The following LRFN5 variants were observed in gnomAD, a reference collection of about 807,000 sequenced individuals.
The protein encoded by LRFN5 is leucine-rich repeat and fibronectin type-III domain-containing protein 5.
Under a neutral mutation model 45.6 loss-of-function variants are expected in LRFN5, and 24 were observed. That is an observed-to-expected ratio of 0.53 (90% CI 0.38 to 0.74). The LOEUF is 0.74. Among genes scored for constraint, LRFN5 ranks in the 30% least tolerant of loss-of-function variants. The pLI is 0.00. For synonymous variants in LRFN5, 340 were observed against 313.8 expected, an observed-to-expected ratio of 1.08 and a Z score of -0.88; for missense variants, 776 against 861.5, an observed-to-expected ratio of 0.90 and a Z score of 1.24.
chr14:41,749,330 T>A (rs1885039388), intron 1 of LRFN5, among the ~76,000 whole-genome samples: 1 of 152,136 alleles, frequency 6.6e-6, no homozygotes, highest in Non-Finnish European at 1.5e-5. Context: ...CCAGAGGTAG[T>A]GAAATACTGA....
At chr14:41,678,463 C>A in intron 1 of LRFN5, among the ~76,000 whole-genome samples, 1 of 152,020 alleles carries the variant, frequency 6.6e-6, no homozygotes, top group East Asian at 1.9e-4. Flanking sequence ...GATTTCAATA[C>A]CCCATTTTCA....
At position 41,887,939 on chromosome 14, in the gene LRFN5, A is replaced by G. The variant is rs539165536; in HGVS notation, c.1314A>G (p.Gln438=). 3.2e-5 allele frequency: 52 copies of G among 1,613,930 alleles called. No individual in the cohort carries two copies. In the South Asian group the frequency reaches 5.2e-4, roughly 16 times the overall value. The change falls in exon 3 of 6, where the codon CAA becomes CAG. Residue 438 remains glutamine (Q), a synonymous_variant. Transcript: ENST00000298119. This position sits in a 1 kb window ranked among gnomAD's most constrained non-coding sequence, Gnocchi z 4.8. ...SSTALLKFNF[Q]RNIPGIRMFQ... is the part of the protein sequence containing the mutation. Reference sequence around the variant, plus strand: ...CGGCACTACTTAAATTTAATTTTCAAAGAAATATCCCTGGAATACGTATGT... The same window carrying G: ...CGGCACTACTTAAATTTAATTTTCAGAGAAATATCCCTGGAATACGTATGT...
intron 1 of LRFN5, chr14:41,742,692 C>CAGAAGAGTCA (rs11282686): frequency 0.8 from 121,048 of 152,020 alleles, 49,091 homozygotes; most frequent in African/African-American, 0.95. Flanking sequence ...CAACAAGAGC[C>CAGAAGAGTCA]AGAAGAGCCA....
At chr14:41,856,380 T>TC (rs1464581501) in intron 2 of LRFN5, among the ~76,000 whole-genome samples, 1 of 152,208 alleles carries the variant, frequency 6.6e-6, no homozygotes, top group Non-Finnish European at 1.5e-5. Flanking sequence ...ATGTAAATAG[T>TC]GCATAGCCTT....
intron 1 of LRFN5, among the ~76,000 whole-genome samples, chr14:41,746,658 A>T (rs1470999407): frequency 1.3e-5 from 2 of 151,992 alleles, no homozygotes; most frequent in African/African-American, 4.8e-5. Flanking sequence ...ACTCACAAAA[A>T]TTTTTTAAAA....
At chr14:41,634,056 A>G (rs994462461) in intron 1 of LRFN5, among the ~76,000 whole-genome samples, 1 of 152,148 alleles carries the variant, frequency 6.6e-6, no homozygotes, top group Non-Finnish European at 1.5e-5. Flanking sequence ...CTTTGCCTCT[A>G]TTATAAGTTA....
intron 1 of LRFN5, among the ~76,000 whole-genome samples, chr14:41,756,516 A>G (rs189367677): frequency 7.9e-5 from 12 of 151,732 alleles, no homozygotes; most frequent in South Asian, 2.1e-4. Context: ...TTCATCTTCC[A>G]TCACTGATAC....
rs765557008 is a variant in LRFN5 at position 41,743,934 on chromosome 14, A to G, written c.-196-22920A>G. 2.2e-4 allele frequency among the ~76,000 whole-genome samples: 34 copies of G among 152,326 alleles called. No individual in the cohort carries two copies. In the Middle Eastern group the frequency reaches 0.01, roughly 46 times the overall value. On this transcript the variant is annotated intron_variant, in intron 1 of 5. Transcript: ENST00000298119. The stretch of plus-strand genomic sequence containing the variant: ...AAAAGTGGTGTGGATGAAACTGTCA[A>G]AGGAGTAGAGATGTTGTACATTATT...
At chr14:41,691,590 A>G (rs1343003296) in intron 1 of LRFN5, among the ~76,000 whole-genome samples, 2 of 152,068 alleles carry the variant, frequency 1.3e-5, no homozygotes, top group Admixed American at 6.6e-5. Context: ...TACAATTTAT[A>G]CGTAACATTT....
intron 2 of LRFN5, among the ~76,000 whole-genome samples, chr14:41,788,811 G>A (rs1861885522): frequency 6.6e-6 from 1 of 151,954 alleles, no homozygotes; most frequent in South Asian, 2.1e-4. Flanking sequence ...TGCAATTCAA[G>A]TACAACTTTT....
intron 1 of LRFN5, among the ~76,000 whole-genome samples, chr14:41,703,962 C>T (rs1024638960): frequency 6.6e-5 from 10 of 152,072 alleles, no homozygotes. Flanking sequence ...CTGTGTCTGA[C>T]TTGCTTATCA....
chr14:41,708,832 A>G (rs2138741684), intron 1 of LRFN5, among the ~76,000 whole-genome samples: 1 of 152,022 alleles, frequency 6.6e-6, no homozygotes, highest in Non-Finnish European at 1.5e-5. Flanking sequence ...TATTCTTCAT[A>G]GATAGCGTTG....
intron 1 of LRFN5, among the ~76,000 whole-genome samples, chr14:41,676,956 A>C (rs1881659958): frequency 1.3e-5 from 2 of 152,212 alleles, no homozygotes; most frequent in Admixed American, 1.3e-4. Context: ...GGACCAGAAA[A>C]TGAAAACTTT....
At position 41,757,206 on chromosome 14, in the gene LRFN5, G is replaced by A. The variant is rs191821625; in HGVS notation, c.-196-9648G>A. Among the ~76,000 whole-genome samples the A allele has an allele frequency of 4.9e-3, 740 of 152,284 alleles. 18 individuals carry two copies. The highest frequency in any genetic ancestry group is 0.044 in the Admixed American group (669 of 15,306). On this transcript the variant is annotated intron_variant, in intron 1 of 5. Transcript: ENST00000298119. ...CCCAGTTAGGCTACTCGGGGGTCAG[G>A]GACCCACTTGAGGAGGCAGTCTGTT...
At chr14:41,743,663 G>C (rs1217389625) in intron 1 of LRFN5, among the ~76,000 whole-genome samples, 3 of 152,080 alleles carry the variant, frequency 2.0e-5, no homozygotes, top group African/African-American at 7.2e-5. Context: ...TTTAAAAATT[G>C]TTAAAATAAT....
chr14:41,859,277 T>A (rs74045485), intron 2 of LRFN5, among the ~76,000 whole-genome samples: 6,280 of 152,282 alleles, frequency 0.041, 471 homozygotes, highest in African/African-American at 0.14. Context: ...TATGACTAAT[T>A]TGACATAGAG....
intron 2 of LRFN5, among the ~76,000 whole-genome samples, chr14:41,785,503 A>G (rs1886686360): frequency 6.6e-6 from 1 of 152,002 alleles, no homozygotes; most frequent in Admixed American, 6.6e-5. Context: ...AAATGATACT[A>G]TACTATATCA....
rs1890791595 is a variant in LRFN5 at position 41,891,737 on chromosome 14, A to G, written c.1873A>G (p.Thr625Ala). The G allele has an allele frequency of 6.2e-7, 1 of 1,614,150 alleles. No homozygotes were observed. The highest frequency in any genetic ancestry group is 2.2e-5 in the East Asian group (1 of 44,868). Reference sequence around the variant, plus strand: ...TTGTTCGAGTCAGGACTCCTCTACCACTACCTCTGCTTTGCCTCCTTCCTG... The same window carrying G: ...TTGTTCGAGTCAGGACTCCTCTACCGCTACCTCTGCTTTGCCTCCTTCCTG... ...ETCSSQDSST[T>A]TSALPPSWTS... Residue 625 changes from threonine to alanine, a missense_variant, in exon 4 of 6, where the codon ACT becomes GCT. Physicochemically the swap from Thr to Ala is moderately conservative, Grantham distance 58. Around this residue, in one of 2 missense-constraint regions of LRFN5, gnomAD observed 465 missense variants for 456.4 expected, o/e 1.02. Coordinates refer to ENST00000298119, the MANE Select transcript of LRFN5 (RefSeq NM_152447.5).
At chr14:41,792,393 A>G (rs1886955607) in intron 2 of LRFN5, among the ~76,000 whole-genome samples, 1 of 151,878 alleles carries the variant, frequency 6.6e-6, no homozygotes. Flanking sequence ...TCTGACCACA[A>G]ATTTACCAGG....
Sources: allele counts gnomAD v4.1 joint callset (sites outside exome capture counted in the v4.1 genomes callset), GRCh38; gene constraint gnomAD v4.1.1; regional missense constraint gnomAD v4.1.1; non-coding constraint Gnocchi (gnomAD v3.1); transcripts MANE v1.5; gene names NCBI Gene and HGNC (gene_info 2026-07-23, HGNC 2026-07-21).